Variants in PTPRT observed in about 807,000 individuals in gnomAD.
PTPRT encodes protein tyrosine phosphatase receptor type T, also known as receptor-type tyrosine-protein phosphatase T.
PTPRT carries 56 observed loss-of-function variants against 176.8 expected under a neutral mutation model. That is an observed-to-expected ratio of 0.32 (90% confidence interval 0.26 to 0.40). The LOEUF (loss-of-function observed/expected upper bound fraction) is 0.40. PTPRT is among the 10% of genes least tolerant of loss of function. PTPRT has a pLI of 1.00. For synonymous variants in PTPRT, 783 were observed against 739.0 expected, an observed-to-expected ratio of 1.06 and a Z score of -0.96; for missense variants, 1,540 against 1,908.2, an observed-to-expected ratio of 0.81 and a Z score of 3.60.
At chr20:42,626,873 T>C (rs2074299179) in intron 7 of PTPRT, among the ~76,000 whole-genome samples, 1 of 152,226 alleles carries the variant, frequency 6.6e-6, no homozygotes, top group African/African-American at 2.4e-5. Flanking sequence ...TCAGGTTCCT[T>C]GGCCAAAACC....
intron 27 of PTPRT, among the ~76,000 whole-genome samples, chr20:42,086,628 T>C (rs1384649447): frequency 6.8e-6 from 1 of 146,776 alleles, no homozygotes; most frequent in East Asian, 2.0e-4. Context: ...AGATCAGAAG[T>C]AGTGTAAAAA....
At chr20:42,803,468 T>C (rs1213353364) in intron 2 of PTPRT, among the ~76,000 whole-genome samples, 1 of 152,236 alleles carries the variant, frequency 6.6e-6, no homozygotes, top group Non-Finnish European at 1.5e-5. Context: ...GGATGTTCCC[T>C]GCTTTTCCCA....
intron 6 of PTPRT, among the ~76,000 whole-genome samples, chr20:42,713,853 T>C (rs770753862): frequency 8.5e-5 from 13 of 152,200 alleles, no homozygotes; most frequent in Non-Finnish European, 1.6e-4. Context: ...GTTCGGGCCA[T>C]GTGACATGCC....
intron 7 of PTPRT, among the ~76,000 whole-genome samples, chr20:42,488,573 A>G (rs950828948): frequency 1.3e-5 from 2 of 152,146 alleles, no homozygotes; most frequent in Non-Finnish European, 2.9e-5. Context: ...CCTTTGCACA[A>G]TCATCTACTC....
chr20:42,962,782 A>T (rs1210507798), intron 1 of PTPRT, among the ~76,000 whole-genome samples: 1 of 152,164 alleles, frequency 6.6e-6, no homozygotes, highest in Non-Finnish European at 1.5e-5. Context: ...GAAATGCCTA[A>T]CCAGGCCAGG....
intron 7 of PTPRT, among the ~76,000 whole-genome samples, chr20:42,646,109 T>C (rs1387028361): frequency 1.3e-5 from 2 of 151,914 alleles, no homozygotes; most frequent in Non-Finnish European, 2.9e-5. Flanking sequence ...TGAGGTCAGG[T>C]GCCCAGGAAT....
chr20:42,636,141 C>T (rs1258152452), intron 7 of PTPRT, among the ~76,000 whole-genome samples: 1 of 152,056 alleles, frequency 6.6e-6, no homozygotes, highest in Admixed American at 6.6e-5. Context: ...TCCAGAAATC[C>T]TGGGGAAGGG....
At chr20:43,061,714 T>C (rs1987469457) in intron 1 of PTPRT, among the ~76,000 whole-genome samples, 1 of 152,226 alleles carries the variant, frequency 6.6e-6, no homozygotes. Context: ...GAAGTCTATG[T>C]CCTTCCCATT....
At chr20:42,592,883 C>T (rs2073604919) in intron 7 of PTPRT, among the ~76,000 whole-genome samples, 1 of 152,190 alleles carries the variant, frequency 6.6e-6, no homozygotes. Flanking sequence ...TTTCAAGAGT[C>T]TTCTGTATCC....
intron 12 of PTPRT, among the ~76,000 whole-genome samples, chr20:42,295,952 T>C (rs2145286076): frequency 6.6e-6 from 1 of 152,348 alleles, no homozygotes; most frequent in African/African-American, 2.4e-5. Flanking sequence ...CCGCCATGAC[T>C]GTAAGTTTCC....
chr20:43,168,689 C>T (rs2014919162), intron 1 of PTPRT, among the ~76,000 whole-genome samples: 1 of 152,132 alleles, frequency 6.6e-6, no homozygotes. Flanking sequence ...ACCTGCAAAC[C>T]ATGTGCCCTG....
At chr20:42,427,731 G>A (rs1444966032) in intron 9 of PTPRT, among the ~76,000 whole-genome samples, 1 of 152,176 alleles carries the variant, frequency 6.6e-6, no homozygotes, top group African/African-American at 2.4e-5. Flanking sequence ...CAGATGGCCT[G>A]AAGTAACTGA....
chr20:42,722,557 C>G (rs2076319673), intron 6 of PTPRT, among the ~76,000 whole-genome samples: 1 of 152,158 alleles, frequency 6.6e-6, no homozygotes, highest in Admixed American at 6.5e-5. Context: ...TGGGAGCTGA[C>G]TCCCCGTCTC....
intron 1 of PTPRT, among the ~76,000 whole-genome samples, chr20:43,128,069 T>C (rs2013511173): frequency 6.6e-6 from 1 of 152,202 alleles, no homozygotes; most frequent in Admixed American, 6.5e-5. Flanking sequence ...ATTGGAGTGA[T>C]ACTCCAACCA....
chr20:42,259,148 G>A (rs112279129), intron 13 of PTPRT, among the ~76,000 whole-genome samples: 2,160 of 152,218 alleles, frequency 0.014, 44 homozygotes, highest in African/African-American at 0.05. Flanking sequence ...GATTTTGCTT[G>A]GTCTCCTGAA....
In PTPRT at chr20:42,756,444, C is replaced by A; in HGVS notation, c.859+18G>T. Reference sequence around the variant, plus strand: ...CCAACCTTCCATGGCAGTAGAGGCGCAGGCTGGAGGCACTCACCTTTCACG... The same window carrying A: ...CCAACCTTCCATGGCAGTAGAGGCGAAGGCTGGAGGCACTCACCTTTCACG... On this transcript the variant is annotated intron_variant, in intron 6 of 30. Transcript: ENST00000373187. 1 of 1,515,248 alleles carries A rather than the reference C, an allele frequency of 6.6e-7. No individual in the cohort carries two copies. 93.9% of individuals were successfully genotyped at this position (1,515,248 alleles called of 1,614,324 possible).
At chr20:42,830,859 G>A (rs563776497) in intron 2 of PTPRT, among the ~76,000 whole-genome samples, 4 of 152,048 alleles carry the variant, frequency 2.6e-5, no homozygotes, top group Non-Finnish European at 5.9e-5. Context: ...TCTCTACAAT[G>A]AGAATTATGA....
intron 1 of PTPRT, among the ~76,000 whole-genome samples, chr20:42,951,180 G>T (rs1263452419): frequency 6.6e-6 from 1 of 152,086 alleles, no homozygotes; most frequent in Non-Finnish European, 1.5e-5. Flanking sequence ...AGATGGATGG[G>T]TAAACAGGAG....
chr20:42,219,151 G>A (rs2055830490), intron 15 of PTPRT, among the ~76,000 whole-genome samples: 1 of 152,178 alleles, frequency 6.6e-6, no homozygotes, highest in Admixed American at 6.5e-5. Context: ...GATGGCACTG[G>A]GTTAGAGATG....
Sources: allele counts gnomAD v4.1 joint callset (sites outside exome capture counted in the v4.1 genomes callset), GRCh38; gene constraint gnomAD v4.1.1; transcripts MANE v1.5; gene names NCBI Gene and HGNC (gene_info 2026-07-23, HGNC 2026-07-21).